The following RAD17 variants were observed in gnomAD, a reference collection of about 807,000 sequenced individuals.
The protein encoded by RAD17 is RAD17 checkpoint clamp loader component.
RAD17 carries 31 observed loss-of-function variants against 81.5 expected under a neutral mutation model. That is an observed-to-expected ratio of 0.38 (90% CI 0.29 to 0.51). The LOEUF is 0.51. RAD17 is among the 20% of genes least tolerant of loss of function. The pLI is 0.88. For missense variants in RAD17, 681 were observed against 781.2 expected (o/e 0.87, Z 1.53); for synonymous variants, 261 against 266.2 (o/e 0.98, Z 0.19).
intron 2 of RAD17, 133 bp from the exon 3 acceptor site, chr5:69,371,321 A>G (rs1427410709): frequency 2.0e-6 from 1 of 491,058 alleles, no homozygotes; most frequent in African/African-American, 2.0e-5. Context: ...TGTATCACTT[A>G]AATTTACTGT....
intron 6 of RAD17, among the ~76,000 whole-genome samples, chr5:69,377,666 C>CAT (rs375453838): frequency 1.1e-4 from 3 of 27,272 alleles, no homozygotes; most frequent in South Asian, 1.2e-3. Context: ...TATATGTATA[C>CAT]ATATATATAT....
chr5:69,407,650 C>T (rs1373678020), intron 17 of RAD17, among the ~76,000 whole-genome samples: 2 of 133,790 alleles, frequency 1.5e-5, no homozygotes, highest in African/African-American at 5.5e-5. Context: ...CATCTCAGCT[C>T]ACTGCAATCT....
At position 69,371,461 on chromosome 5, in the gene RAD17, A is replaced by G; in HGVS notation, c.-272A>G. On this transcript the variant is annotated 5_prime_UTR_variant, in exon 3 of 19. Transcript: ENST00000354868. ...TCCCCCCCCCCCCCCCAGGTGAATT[A>G]TAGTTTAATGTACTGCAAGTCCTAA... The G allele has an allele frequency of 2.9e-6, 1 of 347,226 alleles. No homozygotes were observed. Among genetic ancestry groups the G allele is most frequent in the Non-Finnish European group, 5.2e-6 (1 of 193,048 alleles). 21.5% of individuals were successfully genotyped at this position (347,226 alleles called of 1,614,324 possible). A position where few individuals can be genotyped will look rare whatever the true frequency, so the allele number is the denominator to read the frequency against.
chr5:69,369,559 G>A, upstream of RAD17: 2 of 1,608,796 alleles, frequency 1.2e-6, no homozygotes, highest in Non-Finnish European at 1.7e-6. Context: ...GAGCCGGAAG[G>A]GGCGGGCGGC....
chr5:69,389,027 A>T lies in RAD17; in HGVS notation c.895-7A>T. The T allele has an allele frequency of 7.1e-7, 1 of 1,409,478 alleles. No individual in the cohort carries two copies. The highest frequency in any genetic ancestry group is 9.5e-7 in the Non-Finnish European group (1 of 1,055,038). The allele number at this position is 1,409,478 out of a possible 1,614,324, so 87.3% of individuals were successfully genotyped here. Reference sequence around the variant, plus strand: ...ACTTTTTTTTAAATTTAATTTTCTTATTTTAGAATGGAGGAAAAATTACTG... The same window carrying T: ...ACTTTTTTTTAAATTTAATTTTCTTTTTTTAGAATGGAGGAAAAATTACTG... On this transcript the variant is annotated splice_region_variant and splice_polypyrimidine_tract_variant and intron_variant, in intron 11 of 18. Coordinates refer to ENST00000354868, the MANE Select transcript of RAD17 (RefSeq NM_133338.3).
intron 17 of RAD17, among the ~76,000 whole-genome samples, chr5:69,403,301 T>G (rs1204359847): frequency 6.6e-6 from 1 of 152,226 alleles, no homozygotes; most frequent in Non-Finnish European, 1.5e-5. Flanking sequence ...TAGAGGGATA[T>G]AGGACAGTTA....
intron 15 of RAD17, among the ~76,000 whole-genome samples, chr5:69,395,222 G>A (rs1165060732): frequency 6.6e-6 from 1 of 152,134 alleles, no homozygotes; most frequent in Non-Finnish European, 1.5e-5. Context: ...TAAAAGGATA[G>A]TACAATGAGC....
chr5:69,373,270 G>C (rs1177818782), intron 4 of RAD17, among the ~76,000 whole-genome samples: 4 of 151,956 alleles, frequency 2.6e-5, no homozygotes, highest in African/African-American at 9.7e-5. Flanking sequence ...GTTTATGCTG[G>C]GAAGGTTACA....
chr5:69,400,209 T>TTTATTTAC (rs1278355838), intron 17 of RAD17, 40 bp downstream of exon 17: 6 of 989,338 alleles, frequency 6.1e-6, no homozygotes, highest in Non-Finnish European at 7.4e-6. Context: ...AGAAGTAGGG[T>TTTATTTAC]TTATTTATTT....
chr5:69,410,965 C>CTGTCCATATATATA (rs35777347), intron 18 of RAD17, among the ~76,000 whole-genome samples: 1 of 90,264 alleles, frequency 1.1e-5, no homozygotes, highest in East Asian at 3.5e-4. Context: ...AGATGTCTGT[C>CTGTCCATATATATA]TATATATATA....
intron 17 of RAD17, among the ~76,000 whole-genome samples, chr5:69,407,562 G>GTTTTTTTTTTTTTTTT (rs550222595): frequency 4.9e-5 from 2 of 40,890 alleles, no homozygotes; most frequent in Non-Finnish European, 8.2e-5. Flanking sequence ...CTATGTCCAA[G>GTTTTTTTTTTTTTTTT]TTTTTTTTTT....
chr5:69,390,740 A>G (rs1326339479), intron 12 of RAD17, among the ~76,000 whole-genome samples: 1 of 151,866 alleles, frequency 6.6e-6, no homozygotes, highest in Non-Finnish European at 1.5e-5. Context: ...GAAAGCTTCA[A>G]CCTCAAGAGT....
At chr5:69,392,788 C>A in intron 13 of RAD17, 1 of 453,298 alleles carries the variant, frequency 2.2e-6, no homozygotes, top group Non-Finnish European at 4.4e-6. Context: ...AATTCGTATT[C>A]TTTCATGTAG....
chr5:69,394,192 C>T (rs561947438), intron 15 of RAD17, among the ~76,000 whole-genome samples: 34 of 150,952 alleles, frequency 2.3e-4, no homozygotes, highest in East Asian at 1.9e-3. Flanking sequence ...CATCTAGTAG[C>T]TGGGACTACA....
intron 6 of RAD17, among the ~76,000 whole-genome samples, chr5:69,374,984 T>C (rs1763248205): frequency 6.6e-6 from 1 of 152,062 alleles, no homozygotes; most frequent in South Asian, 2.1e-4. Flanking sequence ...GGCATTGTGG[T>C]GCATGCCTCT....
chr5:69,411,270 G>T lies in RAD17; in HGVS notation c.1751+720G>T, dbSNP rs561723767. On this transcript the variant is annotated intron_variant, in intron 18 of 18. Transcript: ENST00000354868. ...TACTAAAAATACAAAATTTAGCTGG[G>T]TGTGGTGGCACATGCCTGTAATCCC... Among the ~76,000 whole-genome samples the T allele has an allele frequency of 8.6e-4, 130 of 151,970 alleles. 1 individual carries two copies. The South Asian group carries it at 0.026, about 31-fold the overall frequency.
In RAD17 at chr5:69,414,144, C is replaced by T; in HGVS notation, c.1865C>T (p.Thr622Ile). Residue 622 changes from threonine (T) to isoleucine (I), a missense_variant, in exon 19 of 19, where the codon ACT (threonine) becomes ATT (isoleucine). Coordinates refer to ENST00000354868, the MANE Select transcript of RAD17 (RefSeq NM_133338.3). ...HSAEESLGEP[T>I]QATVPETWSL... ...GCAGAGGAATCTCTGGGTGAACCCA[C>T]TCAAGCCACTGTGCCGGAAACCTGG... The T allele has an allele frequency of 6.2e-7, 1 of 1,614,238 alleles. No homozygotes were observed. Among genetic ancestry groups the T allele is most frequent in the Non-Finnish European group, 8.5e-7 (1 of 1,180,046 alleles).
At chr5:69,386,493 T>G (rs1187690202) in intron 11 of RAD17, 28 bp downstream of exon 11, 1 of 1,536,700 alleles carries the variant, frequency 6.5e-7, no homozygotes, top group African/African-American at 1.4e-5. Flanking sequence ...TAAACCTTAC[T>G]CGATAACTAT....
intron 13 of RAD17, 98 bp downstream of exon 13, chr5:69,392,111 C>CTGCTCT: frequency 1.8e-6 from 2 of 1,103,176 alleles, no homozygotes; most frequent in Non-Finnish European, 2.5e-6. Context: ...TATTTTGGTT[C>CTGCTCT]TGCTCTAAGA....
Sources: allele counts gnomAD v4.1 joint callset (sites outside exome capture counted in the v4.1 genomes callset), GRCh38; gene constraint gnomAD v4.1.1; transcripts MANE v1.5; gene names NCBI Gene and HGNC (gene_info 2026-07-23, HGNC 2026-07-21).